The following ZNF618 variants were observed in gnomAD, a reference collection of about 807,000 sequenced individuals.
ZNF618 encodes the protein zinc finger protein 618.
ZNF618 carries 34 observed loss-of-function variants against 103.0 expected under a neutral mutation model. That is an observed-to-expected ratio of 0.33 (90% confidence interval 0.25 to 0.44). The LOEUF (loss-of-function observed/expected upper bound fraction) is 0.44. Ranked by LOEUF, ZNF618 falls within the 20% of genes least tolerant of loss-of-function variation. The pLI is 1.00. For synonymous variants in ZNF618, 551 were observed against 542.2 expected (o/e 1.02, Z -0.23); for missense variants, 1,059 against 1,295.4 (o/e 0.82, Z 2.80).
chr9:114,031,752 C>T (rs907499790), intron 11 of ZNF618, among the ~76,000 whole-genome samples: 1 of 152,152 alleles, frequency 6.6e-6, no homozygotes, highest in African/African-American at 2.4e-5. Context: ...ATTGTTTCTC[C>T]TTAAGAAATG....
At chr9:114,014,009 T>C (rs10982031) in intron 9 of ZNF618, among the ~76,000 whole-genome samples, 47,736 of 152,138 alleles carry the variant, frequency 0.31, 8,601 homozygotes, top group East Asian at 0.66. Context: ...AGAAAAATGC[T>C]ATTTCCCACT....
intron 1 of ZNF618, among the ~76,000 whole-genome samples, chr9:113,951,560 T>TACAC (rs1491520201): frequency 8.2e-5 from 4 of 48,978 alleles, no homozygotes; most frequent in East Asian, 2.2e-3. Flanking sequence ...TATGTGTGTG[T>TACAC]ATATGTGTGT....
chr9:113,923,432 T>C (rs1588053482), intron 1 of ZNF618, among the ~76,000 whole-genome samples: 1 of 152,322 alleles, frequency 6.6e-6, no homozygotes, highest in South Asian at 2.1e-4. Flanking sequence ...GTAGGTTTTT[T>C]GTAGATGTTC....
intron 1 of ZNF618, among the ~76,000 whole-genome samples, chr9:113,950,804 G>A (rs180857834): frequency 1.5e-3 from 232 of 152,232 alleles, no homozygotes; most frequent in African/African-American, 5.3e-3. Flanking sequence ...GGGGACATTC[G>A]AGAGGTTCCC....
chr9:113,959,040 A>G (rs528955732), intron 1 of ZNF618, among the ~76,000 whole-genome samples: 1 of 152,332 alleles, frequency 6.6e-6, no homozygotes, highest in East Asian at 1.9e-4. Context: ...TGTAAATCCC[A>G]GCACTTTGGG....
chr9:113,952,009 C>T (rs1016691124), intron 1 of ZNF618, among the ~76,000 whole-genome samples: 1 of 152,116 alleles, frequency 6.6e-6, no homozygotes, highest in African/African-American at 2.4e-5. Flanking sequence ...CCATTTGGTG[C>T]CAGGTATTCC....
chr9:113,901,469 A>C (rs555447007), intron 1 of ZNF618, among the ~76,000 whole-genome samples: 1 of 152,206 alleles, frequency 6.6e-6, no homozygotes, highest in Admixed American at 6.5e-5. Flanking sequence ...CTTTTTTCTT[A>C]ATTACCCACT....
At chr9:114,027,375 G>C (rs1290106710) in intron 10 of ZNF618, among the ~76,000 whole-genome samples, 2 of 152,204 alleles carry the variant, frequency 1.3e-5, no homozygotes, top group Non-Finnish European at 2.9e-5. Flanking sequence ...GCTTGTTTAA[G>C]TGGGGCATGA....
At chr9:113,962,949 A>T (rs1837002581) in intron 1 of ZNF618, among the ~76,000 whole-genome samples, 1 of 152,236 alleles carries the variant, frequency 6.6e-6, no homozygotes, top group Non-Finnish European at 1.5e-5. Flanking sequence ...GCCTAAAATG[A>T]TGTCTGGCAT....
intron 1 of ZNF618, among the ~76,000 whole-genome samples, chr9:113,881,891 TA>T (rs1032598614): frequency 1.1e-4 from 17 of 152,286 alleles, no homozygotes; most frequent in African/African-American, 4.1e-4. Flanking sequence ...GTGCTGTAGT[TA>T]AAAATGACAA....
intron 14 of ZNF618, among the ~76,000 whole-genome samples, 181 bp from the exon 15 acceptor site, chr9:114,048,470 C>G (rs576417765): frequency 6.6e-6 from 1 of 152,306 alleles, no homozygotes; most frequent in East Asian, 1.9e-4. Flanking sequence ...ACTAATCAAT[C>G]ATAGAACTTT....
chr9:113,912,400 G>A (rs773900026), intron 1 of ZNF618, among the ~76,000 whole-genome samples: 33 of 152,186 alleles, frequency 2.2e-4, no homozygotes, highest in Admixed American at 1.3e-3. Context: ...CTGGGATATG[G>A]GTGGGGCCAG....
At chr9:114,025,827 C>T (rs2134114680) in intron 10 of ZNF618, among the ~76,000 whole-genome samples, 2 of 152,362 alleles carry the variant, frequency 1.3e-5, no homozygotes, top group East Asian at 1.9e-4. Context: ...TCTTCTTCAG[C>T]AGTTCTGACT....
chr9:113,951,597 G>A (rs200763207), intron 1 of ZNF618, among the ~76,000 whole-genome samples: 11,427 of 51,936 alleles, frequency 0.22, 3,230 homozygotes, highest in Middle Eastern at 0.27. Flanking sequence ...GTGTGTGTGT[G>A]TATATATATG....
At chr9:113,974,987 A>AAT (rs1838347638) in intron 2 of ZNF618, among the ~76,000 whole-genome samples, 1 of 152,180 alleles carries the variant, frequency 6.6e-6, no homozygotes, top group South Asian at 2.1e-4. Flanking sequence ...TAGGTGTAAT[A>AAT]ATATATATAC....
chr9:114,054,626 T>A lies in ZNF618; in HGVS notation c.*4459T>A, dbSNP rs912129308. On this transcript the variant is annotated 3_prime_UTR_variant, in exon 15 of 15. Coordinates refer to ENST00000374126, the MANE Select transcript of ZNF618 (RefSeq NM_001318042.2). Reference sequence around the variant, plus strand: ...TGTCCAGCTGGGCCAGTGGAAGAACTGGGAAGGAGGAAGCCCCTCCCTTTC... The same window carrying A: ...TGTCCAGCTGGGCCAGTGGAAGAACAGGGAAGGAGGAAGCCCCTCCCTTTC... 2 of 152,782 alleles carry A rather than the reference T, an allele frequency of 1.3e-5. No homozygotes were observed. Among genetic ancestry groups the A allele is most frequent in the Non-Finnish European group, 2.9e-5 (2 of 68,140 alleles). The allele number at this position is 152,782 out of a possible 1,614,324, so 9.5% of individuals were successfully genotyped here.
At chr9:113,999,195 C>T (rs531546647) in intron 4 of ZNF618, among the ~76,000 whole-genome samples, 12 of 151,864 alleles carry the variant, frequency 7.9e-5, no homozygotes, top group South Asian at 2.1e-4. Flanking sequence ...CTGAGCGAGG[C>T]GCAGGTGGGG....
chr9:113,915,192 CG>C (rs1588028008), intron 1 of ZNF618, among the ~76,000 whole-genome samples: 1 of 152,194 alleles, frequency 6.6e-6, no homozygotes, highest in East Asian at 1.9e-4. Context: ...CTGCTATGGT[CG>C]GCATCACTGA....
chr9:113,959,689 C>A (rs1230079797), intron 1 of ZNF618, among the ~76,000 whole-genome samples: 1 of 152,204 alleles, frequency 6.6e-6, no homozygotes, highest in Non-Finnish European at 1.5e-5. Context: ...CTCACTGCAA[C>A]CTCCGCCTCC....
Sources: gnomAD v4.1 joint callset for allele counts (sites outside exome capture counted in the v4.1 genomes callset) on GRCh38, gnomAD v4.1.1 for gene constraint, MANE v1.5 for transcripts, NCBI Gene and HGNC (gene_info 2026-07-23, HGNC 2026-07-21) for gene names.